The following R3HDM1 variants were observed in gnomAD, a reference collection of about 807,000 sequenced individuals.
The protein encoded by R3HDM1 is R3H domain-containing protein 1.
A neutral mutation model predicts 141.1 loss-of-function variants in R3HDM1; 46 were observed. The ratio of observed to expected loss-of-function variants is 0.33; its 90% confidence interval spans 0.26 to 0.42. The LOEUF is 0.42. Among genes scored for constraint, R3HDM1 ranks in the 10% least tolerant of loss-of-function variants. R3HDM1 has a pLI of 1.00. For synonymous variants in R3HDM1, 435 were observed against 472.9 expected (o/e 0.92, Z 1.04); for missense variants, 1,184 against 1,368.3 (o/e 0.87, Z 2.12).
chr2:135,705,363 A>G (rs185411798), intron 21 of R3HDM1, among the ~76,000 whole-genome samples: 2 of 152,346 alleles, frequency 1.3e-5, no homozygotes, highest in East Asian at 3.9e-4. Flanking sequence ...CCCTTCTGAC[A>G]CCCAAATACA....
At chr2:135,604,458 A>G (rs1428688093) in intron 2 of R3HDM1, among the ~76,000 whole-genome samples, 2 of 151,902 alleles carry the variant, frequency 1.3e-5, no homozygotes, top group East Asian at 1.9e-4. Context: ...TTTTAAATGT[A>G]AAAAAAACAC....
At chr2:135,670,424 A>C (rs1251555278) in intron 19 of R3HDM1, 1 of 962,322 alleles carries the variant, frequency 1.0e-6, no homozygotes, top group African/African-American at 1.8e-5. Flanking sequence ...GTTAAACTTG[A>C]GGTCTAAATA....
At chr2:135,595,372 T>C (rs1442997882) in intron 1 of R3HDM1, among the ~76,000 whole-genome samples, 3 of 152,196 alleles carry the variant, frequency 2.0e-5, no homozygotes, top group Non-Finnish European at 4.4e-5. Context: ...ATTATATTAA[T>C]CTATTCATTT....
chr2:135,658,165 GTTTTGTTTTTTTCTT>G (rs1382896372), intron 18 of R3HDM1, among the ~76,000 whole-genome samples: 1 of 151,956 alleles, frequency 6.6e-6, no homozygotes, highest in East Asian at 1.9e-4. Flanking sequence ...GTGGTTTTTT[GTTTTGTTTTTTTCTT>G]TTTTGAGACG....
intron 24 of R3HDM1, among the ~76,000 whole-genome samples, chr2:135,716,739 G>C (rs1055444210): frequency 6.6e-6 from 1 of 152,118 alleles, no homozygotes; most frequent in Non-Finnish European, 1.5e-5. Flanking sequence ...GGATCACAAG[G>C]TTAGGAGTTC....
intron 1 of R3HDM1, chr2:135,577,337 A>G (rs1371548861): frequency 5.5e-6 from 2 of 361,966 alleles, no homozygotes; most frequent in Non-Finnish European, 7.6e-6. Flanking sequence ...GCACTAATGT[A>G]TACTACACTT....
intron 3 of R3HDM1, among the ~76,000 whole-genome samples, chr2:135,611,030 A>AGCCCAG: frequency 6.6e-6 from 1 of 151,630 alleles, no homozygotes; most frequent in Non-Finnish European, 1.5e-5. Context: ...GGATGACTTG[A>AGCCCAG]GAGTTCAAGG....
chr2:135,560,742 G>T (rs1032517332), intron 1 of R3HDM1, among the ~76,000 whole-genome samples: 2 of 152,094 alleles, frequency 1.3e-5, no homozygotes, highest in Non-Finnish European at 2.9e-5. Context: ...ATGCTTTCTG[G>T]GCATCTGGAA....
intron 24 of R3HDM1, among the ~76,000 whole-genome samples, chr2:135,718,736 C>G (rs1328465611): frequency 6.6e-6 from 1 of 152,144 alleles, no homozygotes; most frequent in Non-Finnish European, 1.5e-5. Flanking sequence ...CCCACCTTGG[C>G]CTCCCAAAGT....
chr2:135,607,849 C>G, intron 3 of R3HDM1: 1 of 983,086 alleles, frequency 1.0e-6, no homozygotes, highest in Non-Finnish European at 1.2e-6. Context: ...AAAATCTCTT[C>G]TTTACCAAGG....
Position 135,669,667 on chromosome 2 carries a change from C to T in R3HDM1, c.2153-5665C>T, listed in dbSNP as rs1012049443. On this transcript the variant is annotated intron_variant, in intron 19 of 26. Transcript: ENST00000683871. The stretch of plus-strand genomic sequence containing the variant: ...CAGCTCTCAGCTACACATTTGATAG[C>T]TGTTGATCATAGAGAAGGTATGAAC... The T allele has an allele frequency of 5.1e-6, 4 of 786,426 alleles. No individual in the cohort carries two copies. The Admixed American group carries it at 1.9e-4, about 37-fold the overall frequency. The allele number at this position is 786,426 out of a possible 1,614,324, so 48.7% of individuals were successfully genotyped here.
In R3HDM1 at chr2:135,581,378, G is replaced by A. The variant is rs556962768; in HGVS notation, c.-249-21122G>A. ...TGGAACATTTCACTTTACCTTTAAC[G>A]GTCTTGGTGCCTTATTTCTATAATT... On this transcript the variant is annotated intron_variant, in intron 1 of 26. Coordinates refer to ENST00000683871, the MANE Select transcript of R3HDM1 (RefSeq NM_001378107.1). The A allele has an allele frequency of 2.7e-5, 27 of 984,790 alleles. No homozygotes were observed. The South Asian group carries it at 7.5e-4, about 27-fold the overall frequency. The allele number at this position is 984,790 out of a possible 1,614,324, so 61.0% of individuals were successfully genotyped here. A position where few individuals can be genotyped will look rare whatever the true frequency, so the allele number is the denominator to read the frequency against.
chr2:135,699,032 TAGATAGATAGATA>T (rs763560694), intron 21 of R3HDM1, among the ~76,000 whole-genome samples: 88 of 95,470 alleles, frequency 9.2e-4, no homozygotes, highest in Middle Eastern at 6.7e-3. Flanking sequence ...GATAGATAGA[TAGATAGATAGATA>T]AGATAGATAA....
intron 19 of R3HDM1, among the ~76,000 whole-genome samples, chr2:135,671,570 T>C (rs1469750757): frequency 2.0e-5 from 3 of 151,750 alleles, no homozygotes; most frequent in African/African-American, 7.3e-5. Context: ...GGTTTCACTA[T>C]GTTGGTCAGG....
intron 1 of R3HDM1, among the ~76,000 whole-genome samples, chr2:135,597,545 A>C (rs1484313651): frequency 6.6e-6 from 1 of 152,224 alleles, no homozygotes; most frequent in Non-Finnish European, 1.5e-5. Flanking sequence ...TTATAACCTC[A>C]GGGAGAACTT....
intron 7 of R3HDM1, among the ~76,000 whole-genome samples, chr2:135,623,992 G>T (rs550692735): frequency 6.6e-6 from 1 of 152,192 alleles, no homozygotes; most frequent in African/African-American, 2.4e-5. Flanking sequence ...TATACAGAGA[G>T]ACATGGGAAG....
intron 18 of R3HDM1, among the ~76,000 whole-genome samples, chr2:135,659,549 A>T (rs539677743): frequency 2.0e-5 from 3 of 151,972 alleles, no homozygotes; most frequent in South Asian, 2.1e-4. Flanking sequence ...GTAATCCCCA[A>T]TCTCAGCCCC....
chr2:135,578,359 C>G (rs1705974071), intron 1 of R3HDM1, among the ~76,000 whole-genome samples: 1 of 152,128 alleles, frequency 6.6e-6, no homozygotes, highest in South Asian at 2.1e-4. Flanking sequence ...ACTATTGAAA[C>G]TGGTTTCTTA....
intron 19 of R3HDM1, among the ~76,000 whole-genome samples, chr2:135,674,366 G>A (rs1470767566): frequency 6.6e-6 from 1 of 152,096 alleles, no homozygotes; most frequent in Non-Finnish European, 1.5e-5. Flanking sequence ...GTCTGTATAG[G>A]TGGTATTCTA....
Sources: allele counts gnomAD v4.1 joint callset (sites outside exome capture counted in the v4.1 genomes callset), GRCh38; gene constraint gnomAD v4.1.1; transcripts MANE v1.5; gene names NCBI Gene and HGNC (gene_info 2026-07-23, HGNC 2026-07-21).